The following CNTN4 variants were observed in gnomAD, a reference collection of about 807,000 sequenced individuals.
CNTN4 encodes the protein contactin-4.
Under a neutral mutation model 122.5 loss-of-function variants are expected in CNTN4, and 77 were observed. The observed-to-expected ratio is 0.63, with a 90% confidence interval of 0.52 to 0.76. The LOEUF (loss-of-function observed/expected upper bound fraction) is 0.76. Ranked by LOEUF, CNTN4 falls within the 30% of genes least tolerant of loss-of-function variation. The pLI is 0.00. For missense variants in CNTN4, 1,256 were observed against 1,259.1 expected (o/e 1.00, Z 0.04); for synonymous variants, 512 against 447.0 (o/e 1.15, Z -1.83).
In CNTN4 at chr3:2,663,546, C is replaced by A. The variant is rs750287952; in HGVS notation, c.56-72669C>A. On this transcript the variant is annotated intron_variant, in intron 4 of 24. Coordinates refer to ENST00000418658, the MANE Select transcript of CNTN4 (RefSeq NM_175607.3). The stretch of plus-strand genomic sequence containing the variant: ...AAGGAGGTTGAAACTTGAGGGTGGT[C>A]AGCATGTAGGTTTCCTTGAAGCATG... Among the ~76,000 whole-genome samples, 6 of 152,200 alleles carry A rather than the reference C, an allele frequency of 3.9e-5. No homozygotes were observed. The East Asian group carries it at 1.2e-3, about 29-fold the overall frequency.
intron 7 of CNTN4, among the ~76,000 whole-genome samples, chr3:2,856,222 G>A (rs1343502884): frequency 6.6e-6 from 1 of 152,198 alleles, no homozygotes; most frequent in African/African-American, 2.4e-5. Flanking sequence ...CTGGAAGATG[G>A]AGGAGAGATG....
At chr3:2,573,760 G>A (rs1305215816) in intron 4 of CNTN4, among the ~76,000 whole-genome samples, 1 of 152,136 alleles carries the variant, frequency 6.6e-6, no homozygotes, top group Non-Finnish European at 1.5e-5. Context: ...GATTGTTTTT[G>A]TGAGGCTTTT....
intron 4 of CNTN4, among the ~76,000 whole-genome samples, chr3:2,603,500 G>T (rs1365440960): frequency 6.6e-6 from 1 of 152,168 alleles, no homozygotes; most frequent in Non-Finnish European, 1.5e-5. Context: ...TGATTAAAGT[G>T]TCTGAATAAA....
chr3:2,307,251 C>T (rs919820026), intron 2 of CNTN4, among the ~76,000 whole-genome samples: 12 of 152,170 alleles, frequency 7.9e-5, no homozygotes, highest in East Asian at 5.8e-4. Flanking sequence ...CTGGCTAACA[C>T]GGTGAAACCC....
intron 2 of CNTN4, among the ~76,000 whole-genome samples, chr3:2,170,814 G>A (rs1018297248): frequency 3.9e-5 from 6 of 152,084 alleles, no homozygotes; most frequent in Admixed American, 3.9e-4. Context: ...AATAGAAATA[G>A]AACAAACCGT....
At chr3:2,982,989 C>T (rs141853233) in intron 13 of CNTN4, among the ~76,000 whole-genome samples, 5 of 151,518 alleles carry the variant, frequency 3.3e-5, no homozygotes, top group Admixed American at 1.3e-4. Context: ...GCGAGGCGGG[C>T]GGATCACGAG....
In CNTN4 at chr3:2,112,982, T is replaced by G. The variant is rs555017934; in HGVS notation, c.-145+12343T>G. On this transcript the variant is annotated intron_variant, in intron 2 of 24. Coordinates refer to ENST00000418658, the MANE Select transcript of CNTN4 (RefSeq NM_175607.3). ...CCCTCTACTATAGTTTCTAAGTAAT[T>G]CTTCTGAGCACCAGACCAAGTATTC... is the stretch of plus-strand genomic sequence containing the variant. Among the ~76,000 whole-genome samples the G allele has an allele frequency of 3.9e-5, 6 of 152,286 alleles. No individual in the cohort carries two copies. The South Asian group carries it at 1.2e-3, about 32-fold the overall frequency.
At chr3:2,724,603 CAGA>C (rs1236157277) in intron 4 of CNTN4, among the ~76,000 whole-genome samples, 1 of 150,022 alleles carries the variant, frequency 6.7e-6, no homozygotes, top group Non-Finnish European at 1.5e-5. Context: ...TAGAGAAAGA[CAGA>C]AGTAGGGTAC....
Position 2,806,248 on chromosome 3 carries a change from T to C in CNTN4, c.359-13238T>C, listed in dbSNP as rs138740421. Among the ~76,000 whole-genome samples, 532 of 152,298 alleles carry C rather than the reference T, an allele frequency of 3.5e-3. 1 individual carries two copies. Among genetic ancestry groups the C allele is most frequent in the Admixed American group, 7.5e-3 (114 of 15,294 alleles). ...CTACAGCATTTACTCTAAACACTTTTACAGCAATGCTCTACATACTTTCTT... is the reference window on the plus strand; with the variant it reads ...CTACAGCATTTACTCTAAACACTTTCACAGCAATGCTCTACATACTTTCTT... On this transcript the variant is annotated intron_variant, in intron 6 of 24. Transcript: ENST00000418658.
At chr3:2,346,153 C>CTG (rs2044391037) in intron 3 of CNTN4, among the ~76,000 whole-genome samples, 3 of 152,048 alleles carry the variant, frequency 2.0e-5, no homozygotes, top group Non-Finnish European at 4.4e-5. Context: ...AAATGCTTTT[C>CTG]CACCTTCTTC....
At position 2,953,870 on chromosome 3, in the gene CNTN4, A is replaced by T. The variant is rs115620133; in HGVS notation, c.1358+28091A>T. Among the ~76,000 whole-genome samples the T allele has an allele frequency of 6.9e-3, 1,044 of 152,324 alleles. 15 individuals carry two copies. The highest frequency in any genetic ancestry group is 0.024 in the East Asian group (125 of 5,182). On this transcript the variant is annotated intron_variant, in intron 13 of 24. Coordinates refer to ENST00000418658, the MANE Select transcript of CNTN4 (RefSeq NM_175607.3). The stretch of plus-strand genomic sequence containing the variant: ...GAGTCATTAATGCACCGATTCATTC[A>T]TTCAAATATTATTTAGTGACTACAT...
At chr3:2,283,500 C>T (rs1177710677) in intron 2 of CNTN4, among the ~76,000 whole-genome samples, 1 of 152,024 alleles carries the variant, frequency 6.6e-6, no homozygotes, top group Non-Finnish European at 1.5e-5. Flanking sequence ...GCTCACAAAG[C>T]AGTACATGCC....
intron 8 of CNTN4, among the ~76,000 whole-genome samples, chr3:2,882,496 TG>T (rs1407196882): frequency 2.0e-5 from 3 of 152,210 alleles, no homozygotes; most frequent in Non-Finnish European, 4.4e-5. Flanking sequence ...ATAGGAAAAG[TG>T]GGAGAATATG....
At chr3:2,262,780 AGG>A (rs2040887647) in intron 2 of CNTN4, among the ~76,000 whole-genome samples, 1 of 152,152 alleles carries the variant, frequency 6.6e-6, no homozygotes, top group Non-Finnish European at 1.5e-5. Flanking sequence ...TCATAAGATC[AGG>A]AGCTTAAATG....
chr3:2,301,004 G>T (rs1014067030), intron 2 of CNTN4, among the ~76,000 whole-genome samples: 1 of 152,130 alleles, frequency 6.6e-6, no homozygotes, highest in Non-Finnish European at 1.5e-5. Context: ...TGATCCTTTT[G>T]AAAATATTGC....
At chr3:2,909,128 G>C (rs985330497) in intron 12 of CNTN4, among the ~76,000 whole-genome samples, 1 of 152,172 alleles carries the variant, frequency 6.6e-6, no homozygotes, top group African/African-American at 2.4e-5. Flanking sequence ...GCCTCGTTGA[G>C]CCAGGTTACA....
intron 13 of CNTN4, among the ~76,000 whole-genome samples, chr3:2,982,786 T>C (rs1337575771): frequency 1.3e-5 from 2 of 152,220 alleles, no homozygotes; most frequent in African/African-American, 4.8e-5. Flanking sequence ...ATGCTCATTT[T>C]ACTGTGTGCT....
chr3:2,273,244 G>T (rs1441481272), intron 2 of CNTN4, among the ~76,000 whole-genome samples: 2 of 152,110 alleles, frequency 1.3e-5, no homozygotes, highest in African/African-American at 2.4e-5. Context: ...AAAATAGATG[G>T]TTTTTCTGTT....
chr3:2,381,427 T>C (rs2046017621), intron 3 of CNTN4, among the ~76,000 whole-genome samples: 5 of 152,230 alleles, frequency 3.3e-5, no homozygotes, highest in Admixed American at 3.3e-4. Flanking sequence ...TCAGATCAAG[T>C]TTCACCTTCT....
Sources: gnomAD v4.1 joint callset for allele counts (sites outside exome capture counted in the v4.1 genomes callset) on GRCh38, gnomAD v4.1.1 for gene constraint, MANE v1.5 for transcripts, NCBI Gene and HGNC (gene_info 2026-07-23, HGNC 2026-07-21) for gene names.